The following FMNL1 variants were observed in gnomAD, a reference collection of about 807,000 sequenced individuals.
FMNL1 encodes the protein formin-like protein 1.
In FMNL1, 43 loss-of-function variants were observed where a neutral mutation model predicts 121.3. That is an observed-to-expected ratio of 0.35 (90% CI 0.28 to 0.46). The LOEUF (loss-of-function observed/expected upper bound fraction) is 0.46. FMNL1 is among the 20% of genes least tolerant of loss of function. The pLI is 1.00. For missense variants in FMNL1, 1,191 were observed against 1,482.4 expected, an observed-to-expected ratio of 0.80 and a Z score of 3.23; for synonymous variants, 613 against 613.5, an observed-to-expected ratio of 1.00 and a Z score of 0.01.
At chr17:45,229,623 A>C (rs957589680) in intron 1 of FMNL1, among the ~76,000 whole-genome samples, 1 of 152,204 alleles carries the variant, frequency 6.6e-6, no homozygotes, top group Non-Finnish European at 1.5e-5. Context: ...AATTGAAGGG[A>C]ACTGGCCTCA....
In FMNL1 at chr17:45,233,609, T is replaced by A; in HGVS notation, c.402-39T>A. On this transcript the variant is annotated intron_variant, in intron 4 of 26. Coordinates refer to ENST00000331495, the MANE Select transcript of FMNL1 (RefSeq NM_005892.4). The surrounding 1 kb of genome is among the most constrained non-coding windows in gnomAD (Gnocchi z 4.1). ...TTCTGTGCCCATGTGGGGCAGGACC[T>A]CCTTTCTGGCTGGAGCTCAGGGAGC... 1.2e-6 allele frequency: 2 copies of A among 1,612,472 alleles called. No homozygotes were observed. The highest frequency in any genetic ancestry group is 8.5e-7 in the Non-Finnish European group (1 of 1,178,924).
intron 6 of FMNL1, chr17:45,234,663 CAAAAAAAAAAAA>C (rs58221219): frequency 1.2e-4 from 8 of 69,156 alleles, no homozygotes; most frequent in South Asian, 1.1e-3. Flanking sequence ...GACCCTGTCT[CAAAAAAAAAAAA>C]AAAAAAAAAA....
chr17:45,245,074 C>T lies in FMNL1; in HGVS notation c.2694C>T (p.His898=), dbSNP rs748379221. The change falls in exon 21 of 27, where the codon CAC becomes CAT. Residue 898 remains histidine (H), a synonymous_variant. Coordinates refer to ENST00000331495, the MANE Select transcript of FMNL1 (RefSeq NM_005892.4). ...AGTACCCGCAACTCACAGGCTTCCA[C>T]AGCGACCTGCACTTCCTGGACAAGG... ...AEKYPQLTGF[H]SDLHFLDKAG... 2.0e-5 allele frequency: 32 copies of T among 1,614,222 alleles called. No homozygotes were observed. The highest frequency in any genetic ancestry group is 2.6e-5 in the Non-Finnish European group (31 of 1,180,032).
chr17:45,242,895 CT>C (rs1298112352), intron 16 of FMNL1, among the ~76,000 whole-genome samples: 2 of 152,240 alleles, frequency 1.3e-5, no homozygotes, highest in Non-Finnish European at 1.5e-5. Flanking sequence ...TCCTTTAGCT[CT>C]TGTGGCCCCA....
At chr17:45,236,288 G>C in intron 7 of FMNL1, 44 bp downstream of exon 7, 1 of 1,522,840 alleles carries the variant, frequency 6.6e-7, no homozygotes, top group Non-Finnish European at 9.1e-7. Flanking sequence ...AGCCCAGCCT[G>C]TCCTCACTGG....
chr17:45,238,679 C>A, intron 10 of FMNL1, 41 bp downstream of exon 10: 1 of 1,611,592 alleles, frequency 6.2e-7, no homozygotes, highest in Non-Finnish European at 8.5e-7. Flanking sequence ...TGGGCCAGGC[C>A]CTCTTGGGTG....
chr17:45,223,033 G>C (rs930276011), intron 1 of FMNL1, among the ~76,000 whole-genome samples: 6 of 152,180 alleles, frequency 3.9e-5, no homozygotes, highest in Admixed American at 3.3e-4. Context: ...TGGGGTGGGG[G>C]CTCCAGAGCA....
chr17:45,221,923 C>A lies in FMNL1; in HGVS notation c.-202C>A, dbSNP rs577555297. ...AACCCTGCAGCTCGCCGCCCGGTCC[C>A]ACGGACGGGGCCGCCCCGATGGGAC... On this transcript the variant is annotated 5_prime_UTR_variant, in exon 1 of 27. Transcript: ENST00000331495. 4.1e-3 allele frequency: 1,415 copies of A among 345,418 alleles called. 14 individuals are homozygous for A. The highest frequency in any genetic ancestry group is 0.028 in the African/African-American group (1,279 of 46,280). The allele number at this position is 345,418 out of a possible 1,614,324, so 21.4% of individuals were successfully genotyped here. A position where few individuals can be genotyped will look rare whatever the true frequency, so the allele number is the denominator to read the frequency against.
At chr17:45,246,057 A>G (rs763882632) in intron 24 of FMNL1, 84 bp downstream of exon 24, 19 of 1,515,676 alleles carry the variant, frequency 1.3e-5, no homozygotes, top group Admixed American at 1.1e-4. Flanking sequence ...CCACACCCTC[A>G]CTGTTACAGA....
rs752780093 is a variant in FMNL1, at chr17:45,241,538, G to T, written c.1489G>T (p.Asp497Tyr). Reference protein sequence around the residue: ...GLIRILRGPGDAVSIEILPVA... With the variant: ...GLIRILRGPGYAVSIEILPVA... Reference sequence around the variant, plus strand: ...AATCCGTATTCTGCGGGGGCCGGGGGATGCTGTCTCCATCGAGATCCTCCC... The same window carrying T: ...AATCCGTATTCTGCGGGGGCCGGGGTATGCTGTCTCCATCGAGATCCTCCC... Residue 497 changes from aspartate (D) to tyrosine (Y), a missense_variant, in exon 14 of 27, where the codon GAT (aspartate) becomes TAT (tyrosine). This residue lies in a region of FMNL1 where 519 missense variants were observed against 492.8 expected (regional missense o/e 1.05). Coordinates refer to ENST00000331495, the MANE Select transcript of FMNL1 (RefSeq NM_005892.4). This position sits in a 1 kb window ranked among gnomAD's most constrained non-coding sequence, Gnocchi z 7.0. The T allele has an allele frequency of 5.5e-5, 87 of 1,576,380 alleles. No individual in the cohort carries two copies. Among genetic ancestry groups the T allele is most frequent in the Non-Finnish European group, 7.1e-5 (82 of 1,162,046 alleles).
At chr17:45,228,602 G>A (rs964688289) in intron 1 of FMNL1, among the ~76,000 whole-genome samples, 4 of 152,244 alleles carry the variant, frequency 2.6e-5, no homozygotes, top group African/African-American at 9.6e-5. Flanking sequence ...AGTCGTCGGC[G>A]CGCAGGGCTC....
rs773918631 is a variant in FMNL1 at position 45,241,616 on chromosome 17, A to C, written c.1567A>C (p.Thr523Pro). The change falls in exon 14 of 27, where the codon ACC becomes CCC. Residue 523 changes from threonine to proline, a missense_variant. By Grantham distance (38) the Thr-to-Pro change is conservative (BLOSUM62 -1). Coordinates refer to ENST00000331495, the MANE Select transcript of FMNL1 (RefSeq NM_005892.4). The surrounding 1 kb of genome is among the most constrained non-coding windows in gnomAD (Gnocchi z 7.0). ...GGDAPTPGVP[T>P]GSPSPDLAPA... The stretch of plus-strand genomic sequence containing the variant: ...TGATGCTCCGACTCCGGGGGTGCCG[A>C]CCGGCTCCCCCAGCCCAGGTGCGCA... 38 of 1,521,726 alleles carry C rather than the reference A, an allele frequency of 2.5e-5. No homozygotes were observed. Among genetic ancestry groups the C allele is most frequent in the Admixed American group, 1.6e-4 (8 of 50,160 alleles). The allele number at this position is 1,521,726 out of a possible 1,614,324, so 94.3% of individuals were successfully genotyped here.
In FMNL1 at chr17:45,237,554, C is replaced by T. The variant is rs1394613409; in HGVS notation, c.809C>T (p.Ala270Val). The T allele has an allele frequency of 6.2e-7, 1 of 1,614,178 alleles. No individual in the cohort carries two copies. Among genetic ancestry groups the T allele is most frequent in the Admixed American group, 1.7e-5 (1 of 60,024 alleles). The change falls in exon 9 of 27, where the codon GCT becomes GTT. Residue 270 changes from alanine (A) to valine (V), a missense_variant. Transcript: ENST00000331495. This position sits in a 1 kb window ranked among gnomAD's most constrained non-coding sequence, Gnocchi z 4.4. ...SLNNKNPRTK[A>V]LVLELLAAVC... ...GCCCCTTCTCTCTCCAGAACCAAGG[C>T]TCTGGTGCTGGAGCTGCTGGCGGCC...
chr17:45,239,795 C>T (rs1018209833), intron 11 of FMNL1, among the ~76,000 whole-genome samples: 3 of 140,992 alleles, frequency 2.1e-5, no homozygotes, highest in African/African-American at 5.8e-5. Context: ...GTCACGTACT[C>T]TATGATTGCT....
At chr17:45,242,281 C>T (rs1323125870) in intron 15 of FMNL1, 60 bp from the exon 16 acceptor site, 1 of 1,595,894 alleles carries the variant, frequency 6.3e-7, no homozygotes, top group African/African-American at 1.3e-5. Context: ...CCTCCCTGGG[C>T]CCAGGTTCCC....
rs1289628653 is a variant in FMNL1 at position 45,242,160 on chromosome 17, A to G, written c.1885+14A>G. ...AATTGGGCCCAGGTGAGTGGAGTGG[A>G]CCACCTTGGGCCCGGGGCTGGGGGG... On this transcript the variant is annotated intron_variant, in intron 15 of 26. Transcript: ENST00000331495. 4 of 1,529,046 alleles carry G rather than the reference A, an allele frequency of 2.6e-6. No homozygotes were observed. The highest frequency in any genetic ancestry group is 3.5e-6 in the Non-Finnish European group (4 of 1,137,632). The allele number at this position is 1,529,046 out of a possible 1,614,324, so 94.7% of individuals were successfully genotyped here.
At chr17:45,243,043 C>T (rs1048899626) in intron 16 of FMNL1, 75 bp from the exon 17 acceptor site, 2 of 1,531,994 alleles carry the variant, frequency 1.3e-6, no homozygotes, top group African/African-American at 2.7e-5. Context: ...ATGGATGGCT[C>T]TAGCACTGTG....
In FMNL1 at chr17:45,241,598, C is replaced by A; in HGVS notation, c.1549C>A (p.Pro517Thr). 6.5e-7 allele frequency: 1 copy of A among 1,546,126 alleles called. No individual in the cohort carries two copies. Among genetic ancestry groups the A allele is most frequent in the South Asian group, 1.2e-5 (1 of 84,084 alleles). ...AVATPSGGDA[P>T]TPGVPTGSPS... is the part of the protein sequence containing the mutation. ...GGCAACTCCGAGCGGCGGTGATGCT[C>A]CGACTCCGGGGGTGCCGACCGGCTC... The change falls in exon 14 of 27, where the codon CCG (proline) becomes ACG (threonine). Residue 517 changes from proline (P) to threonine (T), a missense_variant. By Grantham distance (38) the Pro-to-Thr change is conservative. This residue lies in a region of FMNL1 where 519 missense variants were observed against 492.8 expected (regional missense o/e 1.05). Coordinates refer to ENST00000331495, the MANE Select transcript of FMNL1 (RefSeq NM_005892.4). This position sits in a 1 kb window ranked among gnomAD's most constrained non-coding sequence, Gnocchi z 7.0.
chr17:45,243,702 C>T, intron 17 of FMNL1, 89 bp from the exon 18 acceptor site: 1 of 1,244,396 alleles, frequency 8.0e-7, no homozygotes, highest in Non-Finnish European at 1.1e-6. Context: ...TACTGAAATT[C>T]ATTTATTCAA....
Sources: allele counts gnomAD v4.1 joint callset (sites outside exome capture counted in the v4.1 genomes callset), GRCh38; gene constraint gnomAD v4.1.1; regional missense constraint gnomAD v4.1.1; non-coding constraint Gnocchi (gnomAD v3.1); transcripts MANE v1.5; gene names NCBI Gene and HGNC (gene_info 2026-07-23, HGNC 2026-07-21).